Variants in NFKB1 observed in about 807,000 individuals in gnomAD.
The protein encoded by NFKB1 is nuclear factor NF-kappa-B p105 subunit.
Under a neutral mutation model 105.1 loss-of-function variants are expected in NFKB1, and 9 were observed. The ratio of observed to expected loss-of-function variants is 0.09; its 90% CI spans 0.05 to 0.15. The LOEUF is 0.15. NFKB1 is among the 10% of genes least tolerant of loss of function. NFKB1 has a pLI of 1.00. For missense variants in NFKB1, 830 were observed against 1,203.7 expected (o/e 0.69, Z 4.59); for synonymous variants, 440 against 442.2 (o/e 1.00, Z 0.06).
chr4:102,579,535 C>T lies in NFKB1; in HGVS notation c.730+496C>T, dbSNP rs149243278. On this transcript the variant is annotated intron_variant, in intron 8 of 23. Transcript: ENST00000226574. ...GTGACTTCAAAATCCTATTTCAAGC[C>T]GGGTTTGGCGTCATGCCCTGTAGTC... Among the ~76,000 whole-genome samples the T allele has an allele frequency of 4.9e-4, 74 of 151,362 alleles. 2 individuals are homozygous for T. The East Asian group carries it at 0.012, about 25-fold the overall frequency.
intron 11 of NFKB1, among the ~76,000 whole-genome samples, chr4:102,585,449 A>G (rs1355824399): frequency 6.6e-6 from 1 of 152,228 alleles, no homozygotes; most frequent in Non-Finnish European, 1.5e-5. Flanking sequence ...TCAGAGTTCA[A>G]GCAGCTGAGA....
rs80347022 is a variant in NFKB1 at position 102,603,773 on chromosome 4, T to C, written c.1753-2723T>C. Among the ~76,000 whole-genome samples, 350 of 152,352 alleles carry C rather than the reference T, an allele frequency of 2.3e-3. 1 individual carries two copies. Among genetic ancestry groups the C allele is most frequent in the African/African-American group, 8.2e-3 (339 of 41,580 alleles). On this transcript the variant is annotated intron_variant, in intron 16 of 23. Coordinates refer to ENST00000226574, the MANE Select transcript of NFKB1 (RefSeq NM_003998.4). ...GTTAAGCATTCTTCCCAAATACCTT[T>C]CACTAATCTAAGTACATTTCTGTGA...
rs749086286 is a variant in NFKB1, at chr4:102,607,638, C to T, written c.2125-11C>T. On this transcript the variant is annotated splice_polypyrimidine_tract_variant and intron_variant, in intron 18 of 23. Transcript: ENST00000226574. The stretch of plus-strand genomic sequence containing the variant: ...TTCCACTAACGCTTTCTTGTGTGGG[C>T]TGGATTGTAGGGTGATGCCCATGTG... 1 of 1,613,234 alleles carries T rather than the reference C, an allele frequency of 6.2e-7. No individual in the cohort carries two copies. Among genetic ancestry groups the T allele is most frequent in the South Asian group, 1.1e-5 (1 of 91,064 alleles).
chr4:102,518,597 G>A (rs947261831), intron 1 of NFKB1, among the ~76,000 whole-genome samples: 1 of 152,042 alleles, frequency 6.6e-6, no homozygotes, highest in Non-Finnish European at 1.5e-5. Flanking sequence ...TTAAAAAAAA[G>A]GAGAATCACC....
chr4:102,510,586 A>G (rs1314600172), intron 1 of NFKB1, among the ~76,000 whole-genome samples: 6 of 152,332 alleles, frequency 3.9e-5, no homozygotes, highest in East Asian at 1.9e-4. Context: ...TATCAGTATG[A>G]TAATATGAGG....
Position 102,567,013 on chromosome 4 carries a change from G to A in NFKB1, c.285G>A (p.Lys95=), listed in dbSNP as rs139566935. ...VKICNYVGPA[K]VIVQLVTNGK... ...TCTGCAACTATGTGGGACCAGCAAA[G>A]GTTATTGTTCAGTTGGTCACAAATG... Residue 95 remains lysine, a synonymous_variant, in exon 6 of 24, where the codon AAG becomes AAA. Transcript: ENST00000226574. 94 of 1,613,862 alleles carry A rather than the reference G, an allele frequency of 5.8e-5. No individual in the cohort carries two copies. In the African/African-American group the frequency reaches 1.1e-3, roughly 19 times the overall value.
Position 102,613,432 on chromosome 4 carries a change from G to A in NFKB1, c.2600G>A (p.Gly867Glu). 6.2e-7 allele frequency: 1 copy of A among 1,613,824 alleles called. No individual in the cohort carries two copies. Among genetic ancestry groups the A allele is most frequent in the Non-Finnish European group, 8.5e-7 (1 of 1,179,904 alleles). Residue 867 changes from glycine (G) to glutamate (E), a missense_variant, in exon 23 of 24, where the codon GGG becomes GAG. Coordinates refer to ENST00000226574, the MANE Select transcript of NFKB1 (RefSeq NM_003998.4). ...KTLMDNYEVS[G>E]GTVRELVEAL... ...TTCCTTTCTTTCTCACAGGTCTCTG[G>A]GGGTACAGTCAGAGAGCTGGTGGAG...
intron 1 of NFKB1, among the ~76,000 whole-genome samples, chr4:102,519,495 T>A (rs561229675): frequency 1.8e-3 from 238 of 134,144 alleles, no homozygotes; most frequent in African/African-American, 5.6e-3. Flanking sequence ...CCAAAGAAAA[T>A]TTTTTTTTAA....
At chr4:102,558,343 C>G (rs1560671339) in intron 5 of NFKB1, among the ~76,000 whole-genome samples, 1 of 151,992 alleles carries the variant, frequency 6.6e-6, no homozygotes, top group Admixed American at 6.6e-5. Flanking sequence ...GGATAATGAC[C>G]TCCAGCTCCA....
intron 19 of NFKB1, among the ~76,000 whole-genome samples, chr4:102,610,345 G>T (rs901493814): frequency 1.3e-5 from 2 of 152,164 alleles, no homozygotes; most frequent in Non-Finnish European, 2.9e-5. Context: ...TTCTTCAATA[G>T]TATCTTTGGC....
At chr4:102,573,777 C>T (rs527814333) in intron 6 of NFKB1, among the ~76,000 whole-genome samples, 1 of 151,832 alleles carries the variant, frequency 6.6e-6, no homozygotes, top group Non-Finnish European at 1.5e-5. Context: ...TGTGTCTGCA[C>T]GTTCACCAAT....
chr4:102,535,531 T>C (rs1578732884), intron 4 of NFKB1, among the ~76,000 whole-genome samples: 2 of 152,178 alleles, frequency 1.3e-5, no homozygotes, highest in African/African-American at 4.8e-5. Flanking sequence ...ACTTTCTGAC[T>C]GAATGGATGT....
chr4:102,557,818 C>A (rs1360959074), intron 5 of NFKB1, among the ~76,000 whole-genome samples: 5 of 152,036 alleles, frequency 3.3e-5, no homozygotes, highest in African/African-American at 1.2e-4. Flanking sequence ...GATGATTATT[C>A]GAGAGTTGCC....
chr4:102,536,870 G>A lies in NFKB1; in HGVS notation c.160-988G>A, dbSNP rs1339143831. On this transcript the variant is annotated intron_variant, in intron 4 of 23. Coordinates refer to ENST00000226574, the MANE Select transcript of NFKB1 (RefSeq NM_003998.4). ...TAAAAAGAAAATCATCTGCTTAAGCGACTATGTGGTTATAAACTACTAACA... is the reference window on the plus strand; with the variant it reads ...TAAAAAGAAAATCATCTGCTTAAGCAACTATGTGGTTATAAACTACTAACA... Among the ~76,000 whole-genome samples, 2 of 152,134 alleles carry A rather than the reference G, an allele frequency of 1.3e-5. 1 individual carries two copies. The highest frequency in any genetic ancestry group is 4.1e-4 in the South Asian group (2 of 4,824).
intron 17 of NFKB1, 63 bp from the exon 18 acceptor site, chr4:102,607,087 C>T: frequency 1.3e-6 from 2 of 1,549,672 alleles, no homozygotes; most frequent in Non-Finnish European, 1.8e-6. Context: ...CCTTCAGCTT[C>T]ACAAGGGCCA....
intron 5 of NFKB1, among the ~76,000 whole-genome samples, chr4:102,542,571 C>T (rs897288906): frequency 1.3e-5 from 2 of 152,160 alleles, no homozygotes; most frequent in Non-Finnish European, 2.9e-5. Flanking sequence ...TTATCCATCA[C>T]TTTGTCCTCC....
At chr4:102,509,534 C>A (rs990046856) in intron 1 of NFKB1, among the ~76,000 whole-genome samples, 3 of 152,190 alleles carry the variant, frequency 2.0e-5, no homozygotes, top group African/African-American at 7.2e-5. Flanking sequence ...TCATTCAAGG[C>A]AAGCTACAGA....
chr4:102,567,932 T>A (rs1484241474), intron 6 of NFKB1, among the ~76,000 whole-genome samples: 1 of 152,240 alleles, frequency 6.6e-6, no homozygotes, highest in Non-Finnish European at 1.5e-5. Context: ...AATTGTTGTT[T>A]TAAGTCTTTC....
chr4:102,576,602 A>T (rs532907885), intron 6 of NFKB1, among the ~76,000 whole-genome samples: 1 of 152,186 alleles, frequency 6.6e-6, no homozygotes, highest in Non-Finnish European at 1.5e-5. Context: ...GAGTCCAATT[A>T]TATATTTCGC....
Sources: allele counts gnomAD v4.1 joint callset (sites outside exome capture counted in the v4.1 genomes callset), GRCh38; gene constraint gnomAD v4.1.1; transcripts MANE v1.5; gene names NCBI Gene and HGNC (gene_info 2026-07-23, HGNC 2026-07-21).